Variants in OSBPL10 observed in about 807,000 individuals in gnomAD.
The protein encoded by OSBPL10 is oxysterol binding protein like 10, also known as oxysterol-binding protein-related protein 10.
Under a neutral mutation model 81.7 loss-of-function variants are expected in OSBPL10, and 49 were observed. The observed-to-expected ratio is 0.60, with a 90% confidence interval of 0.48 to 0.76. The LOEUF is 0.76. Among genes scored for constraint, OSBPL10 ranks in the 30% least tolerant of loss-of-function variants. OSBPL10 has a pLI of 0.00. For missense variants in OSBPL10, 923 were observed against 987.8 expected, an observed-to-expected ratio of 0.93 and a Z score of 0.88; for synonymous variants, 419 against 383.6, an observed-to-expected ratio of 1.09 and a Z score of -1.08.
rs1486143716 is a variant in OSBPL10, at chr3:31,899,415, CAT to C, written c.282-19587_282-19586del. ...GATGGGGTGGGGTGGAAAGAAGAAA[CAT>C]AGAAAAAGCTGGACAGATAAAAATC... On this transcript the variant is annotated intron_variant, in intron 1 of 11. Coordinates refer to ENST00000396556, the MANE Select transcript of OSBPL10 (RefSeq NM_017784.5). Among the ~76,000 whole-genome samples the C allele has an allele frequency of 1.2e-4, 19 of 152,044 alleles. No homozygotes were observed. In the South Asian group the frequency reaches 3.7e-3, roughly 30 times the overall value.
upstream of OSBPL10, among the ~76,000 whole-genome samples, chr3:31,981,472 G>A (rs1474935321): frequency 6.6e-6 from 1 of 152,170 alleles, no homozygotes; most frequent in Non-Finnish European, 1.5e-5. This position sits in a 1 kb window ranked among gnomAD's most constrained non-coding sequence, Gnocchi z 4.5. Flanking sequence ...GGCTAGGCGA[G>A]CCCTCTTCGG....
chr3:31,831,021 A>G (rs1191630182), intron 3 of OSBPL10, among the ~76,000 whole-genome samples: 1 of 152,222 alleles, frequency 6.6e-6, no homozygotes, highest in Non-Finnish European at 1.5e-5. Flanking sequence ...CAGATCACAG[A>G]TCTCGAATGG....
At chr3:31,705,416 G>T (rs1696032032) in intron 6 of OSBPL10, among the ~76,000 whole-genome samples, 1 of 139,910 alleles carries the variant, frequency 7.1e-6, no homozygotes, top group South Asian at 2.2e-4. Context: ...GGGGTACATA[G>T]ATGGAAAGGC....
intron 3 of OSBPL10, among the ~76,000 whole-genome samples, chr3:31,870,407 T>G (rs979505274): frequency 1.3e-5 from 2 of 152,208 alleles, no homozygotes; most frequent in African/African-American, 4.8e-5. Flanking sequence ...CACCCCTCCA[T>G]GGGCTCCTGT....
At chr3:31,886,810 T>C (rs1695749832) in intron 1 of OSBPL10, among the ~76,000 whole-genome samples, 2 of 151,862 alleles carry the variant, frequency 1.3e-5, no homozygotes, top group African/African-American at 2.4e-5. Context: ...CATGGTGGCA[T>C]GCACCTGTAC....
intron 1 of OSBPL10, among the ~76,000 whole-genome samples, chr3:32,052,882 A>G (rs1168205662): frequency 6.6e-5 from 10 of 152,192 alleles, no homozygotes. Context: ...TGATGGGTTG[A>G]TAGGTGCAGC....
intron 8 of OSBPL10, among the ~76,000 whole-genome samples, chr3:31,672,777 G>A (rs988322053): frequency 2.0e-5 from 3 of 152,014 alleles, no homozygotes; most frequent in African/African-American, 7.2e-5. Context: ...GTGATTAGGG[G>A]CCTCAATCCC....
chr3:32,049,707 G>T (rs1384789974), intron 1 of OSBPL10, among the ~76,000 whole-genome samples: 2 of 152,170 alleles, frequency 1.3e-5, no homozygotes, highest in Non-Finnish European at 2.9e-5. Context: ...ATGGCTATGA[G>T]TGACAGGATT....
At chr3:31,768,906 A>C (rs2125740481) in intron 4 of OSBPL10, among the ~76,000 whole-genome samples, 1 of 152,328 alleles carries the variant, frequency 6.6e-6, no homozygotes, top group South Asian at 2.1e-4. Flanking sequence ...AGAGCTCTGA[A>C]AAGTTAATCT....
At chr3:31,873,049 G>A (rs1333160755) in intron 3 of OSBPL10, among the ~76,000 whole-genome samples, 1 of 152,164 alleles carries the variant, frequency 6.6e-6, no homozygotes, top group African/African-American at 2.4e-5. Flanking sequence ...TTGCAGAGGG[G>A]TCAGCGAGGA....
At chr3:31,668,962 A>T (rs564319959) in intron 9 of OSBPL10, 138 bp from the exon 10 acceptor site, 1 of 673,460 alleles carries the variant, frequency 1.5e-6, no homozygotes, top group South Asian at 3.1e-5. Context: ...TTGCTCAAAG[A>T]CTAGCTCTTA....
At chr3:31,867,531 C>T (rs760361326) in intron 3 of OSBPL10, among the ~76,000 whole-genome samples, 2 of 152,058 alleles carry the variant, frequency 1.3e-5, no homozygotes, top group Admixed American at 6.6e-5. Flanking sequence ...CACTTGAGGT[C>T]GGAAGTTTGA....
intron 8 of OSBPL10, among the ~76,000 whole-genome samples, chr3:31,676,629 T>C (rs941876557): frequency 3.9e-5 from 6 of 152,256 alleles, no homozygotes; most frequent in Non-Finnish European, 8.8e-5. Flanking sequence ...GAAGTGTGTT[T>C]GCAGACCCGG....
At chr3:31,932,935 G>A (rs545089718) in intron 1 of OSBPL10, among the ~76,000 whole-genome samples, 206 of 152,020 alleles carry the variant, frequency 1.4e-3, no homozygotes, top group African/African-American at 4.8e-3. Context: ...AAAACTCATT[G>A]AACTGTACAC....
intron 1 of OSBPL10, among the ~76,000 whole-genome samples, chr3:32,071,778 A>G (rs1351264479): frequency 6.6e-6 from 1 of 152,158 alleles, no homozygotes; most frequent in Non-Finnish European, 1.5e-5. Flanking sequence ...TCCCACAGTT[A>G]CCATTGTTCC....
chr3:31,910,301 G>A (rs527576155), intron 1 of OSBPL10, among the ~76,000 whole-genome samples: 1 of 152,092 alleles, frequency 6.6e-6, no homozygotes, highest in East Asian at 1.9e-4. Flanking sequence ...TTAAACAGGA[G>A]GGACATGGGG....
chr3:31,713,788 G>C (rs942828557), intron 6 of OSBPL10: 6 of 152,632 alleles, frequency 3.9e-5, no homozygotes, highest in African/African-American at 1.2e-4. Flanking sequence ...TCCACCATTT[G>C]CTCCTTCCTC....
intron 6 of OSBPL10, among the ~76,000 whole-genome samples, chr3:31,705,993 T>C (rs1438513790): frequency 6.6e-6 from 1 of 151,970 alleles, no homozygotes; most frequent in Non-Finnish European, 1.5e-5. Flanking sequence ...TATGCAAACT[T>C]GAAGATAAAA....
intron 2 of OSBPL10, chr3:31,988,595 G>A (rs554614314): frequency 5.9e-6 from 1 of 169,296 alleles, no homozygotes; most frequent in South Asian, 1.5e-4. Flanking sequence ...AAACAGGGGA[G>A]TGTTCACTCT....
Sources: allele counts gnomAD v4.1 joint callset (sites outside exome capture counted in the v4.1 genomes callset), GRCh38; gene constraint gnomAD v4.1.1; non-coding constraint Gnocchi (gnomAD v3.1); transcripts MANE v1.5; gene names NCBI Gene and HGNC (gene_info 2026-07-23, HGNC 2026-07-21).